Variants in HCN1 observed in about 807,000 individuals in gnomAD.
HCN1 encodes hyperpolarization activated cyclic nucleotide gated potassium channel 1.
HCN1 carries 13 observed loss-of-function variants against 78.9 expected under a neutral mutation model. That is an observed-to-expected ratio of 0.16 (90% CI 0.11 to 0.26). HCN1 has a LOEUF of 0.26. Ranked by LOEUF, HCN1 falls within the 10% of genes least tolerant of loss-of-function variation. HCN1 has a pLI of 1.00. For missense variants in HCN1, 810 were observed against 1,154.3 expected (o/e 0.70, Z 4.32); for synonymous variants, 552 against 455.5 (o/e 1.21, Z -2.70).
At chr5:45,589,948 T>G (rs1359485687) in intron 2 of HCN1, among the ~76,000 whole-genome samples, 6 of 152,194 alleles carry the variant, frequency 3.9e-5, no homozygotes, top group Non-Finnish European at 7.4e-5. Context: ...TCCTTGACAC[T>G]ACCTAGTCTA....
chr5:45,274,137 AT>A (rs1354382269), intron 6 of HCN1, among the ~76,000 whole-genome samples: 2 of 152,148 alleles, frequency 1.3e-5, no homozygotes, highest in African/African-American at 4.8e-5. Flanking sequence ...TCATGTATAG[AT>A]TACATATTAT....
intron 2 of HCN1, among the ~76,000 whole-genome samples, chr5:45,481,067 C>T (rs1412235671): frequency 1.3e-5 from 2 of 152,170 alleles, no homozygotes; most frequent in African/African-American, 4.8e-5. Flanking sequence ...TGCTATACTG[C>T]CTTACTAGGG....
At chr5:45,446,993 A>C (rs937947832) in intron 3 of HCN1, among the ~76,000 whole-genome samples, 3 of 152,216 alleles carry the variant, frequency 2.0e-5, no homozygotes, top group Non-Finnish European at 4.4e-5. Flanking sequence ...CGAGCAAAAT[A>C]ACCAGCTAAC....
intron 3 of HCN1, among the ~76,000 whole-genome samples, chr5:45,447,386 G>A (rs762109516): frequency 6.6e-6 from 1 of 152,104 alleles, no homozygotes; most frequent in Admixed American, 6.5e-5. Flanking sequence ...GAGACTACAG[G>A]CATGTGCCAC....
chr5:45,517,428 T>C (rs1023866839), intron 2 of HCN1, among the ~76,000 whole-genome samples: 19 of 148,310 alleles, frequency 1.3e-4, no homozygotes, highest in Admixed American at 7.6e-4. Flanking sequence ...ATTCATATTG[T>C]AGAAAACAAA....
chr5:45,352,992 A>G (rs890207246), intron 5 of HCN1, 108 bp downstream of exon 5: 6 of 888,484 alleles, frequency 6.8e-6, no homozygotes, highest in Non-Finnish European at 1.1e-5. Flanking sequence ...AAAATATCTT[A>G]ATAAGTTTAG....
At chr5:45,658,748 G>A (rs1372105059) in intron 1 of HCN1, among the ~76,000 whole-genome samples, 1 of 151,936 alleles carries the variant, frequency 6.6e-6, no homozygotes, top group African/African-American at 2.4e-5. Flanking sequence ...TTTCAGACCG[G>A]CTTAAAAAAC....
At chr5:45,554,947 C>T (rs1743442543) in intron 2 of HCN1, among the ~76,000 whole-genome samples, 1 of 151,766 alleles carries the variant, frequency 6.6e-6, no homozygotes, top group Admixed American at 6.6e-5. Flanking sequence ...AAGAGATTTC[C>T]TTTTAATGAA....
intron 2 of HCN1, among the ~76,000 whole-genome samples, chr5:45,465,392 C>G (rs1027465314): frequency 6.6e-6 from 1 of 152,050 alleles, no homozygotes; most frequent in African/African-American, 2.4e-5. Flanking sequence ...CTCTCTTCCC[C>G]GACTAGCAAT....
chr5:45,281,368 C>G (rs960666309), intron 6 of HCN1, among the ~76,000 whole-genome samples: 1 of 151,930 alleles, frequency 6.6e-6, no homozygotes, highest in Non-Finnish European at 1.5e-5. Context: ...TTCCTCTTCA[C>G]CTTTCACTAT....
chr5:45,682,710 A>C (rs1389105920), intron 1 of HCN1, among the ~76,000 whole-genome samples: 3 of 152,138 alleles, frequency 2.0e-5, no homozygotes, highest in Non-Finnish European at 4.4e-5. Flanking sequence ...CAATACTCGA[A>C]GTAAAGAAAC....
At chr5:45,637,416 T>TTCTA (rs1372910743) in intron 2 of HCN1, among the ~76,000 whole-genome samples, 4 of 151,966 alleles carry the variant, frequency 2.6e-5, no homozygotes, top group Non-Finnish European at 5.9e-5. Context: ...GCAAGTACTT[T>TTCTA]AGAGCCCAGT....
At chr5:45,331,774 C>A (rs974922410) in intron 5 of HCN1, among the ~76,000 whole-genome samples, 2 of 151,246 alleles carry the variant, frequency 1.3e-5, no homozygotes, top group Admixed American at 6.6e-5. Flanking sequence ...TACATAAAGT[C>A]GATTTTTAAA....
chr5:45,417,588 C>T (rs12659024), intron 3 of HCN1, among the ~76,000 whole-genome samples: 6,994 of 151,536 alleles, frequency 0.046, 268 homozygotes, highest in East Asian at 0.18. Flanking sequence ...TGATATCCAA[C>T]ATAAAGCTGA....
chr5:45,632,457 A>C (rs1207279113), intron 2 of HCN1, among the ~76,000 whole-genome samples: 1 of 152,050 alleles, frequency 6.6e-6, no homozygotes, highest in African/African-American at 2.4e-5. Flanking sequence ...ATAAAGGTAA[A>C]AGTGGTTTTA....
intron 2 of HCN1, among the ~76,000 whole-genome samples, chr5:45,627,626 T>C (rs1050456454): frequency 3.3e-5 from 5 of 152,194 alleles, no homozygotes; most frequent in Non-Finnish European, 5.9e-5. Flanking sequence ...ACCTATCATG[T>C]CTACTTTGCA....
intron 1 of HCN1, among the ~76,000 whole-genome samples, chr5:45,654,509 A>G (rs1265155612): frequency 1.3e-5 from 2 of 152,138 alleles, no homozygotes; most frequent in African/African-American, 2.4e-5. Context: ...GGAAAGCAAA[A>G]ATACTGTCAG....
intron 5 of HCN1, among the ~76,000 whole-genome samples, chr5:45,344,296 C>T (rs1035071436): frequency 6.6e-6 from 1 of 152,054 alleles, no homozygotes; most frequent in African/African-American, 2.4e-5. Context: ...ATGGGAGCTA[C>T]AATTCAAGAT....
In HCN1 at chr5:45,586,902, A is replaced by G. The variant is rs116426742; in HGVS notation, c.849+58283T>C. Among the ~76,000 whole-genome samples the G allele has an allele frequency of 8.7e-3, 1,327 of 152,316 alleles. 17 individuals carry two copies. Among genetic ancestry groups the G allele is most frequent in the Non-Finnish European group, 0.015 (998 of 68,020 alleles). On this transcript the variant is annotated intron_variant, in intron 2 of 7. Transcript: ENST00000303230. ...AAATACTCCTATGTTTTAAAAATCA[A>G]TTCCAGAGTCAAAAAATATGCACCT...
Sources: gnomAD v4.1 joint callset for allele counts (sites outside exome capture counted in the v4.1 genomes callset) on GRCh38, gnomAD v4.1.1 for gene constraint, MANE v1.5 for transcripts, NCBI Gene and HGNC (gene_info 2026-07-23, HGNC 2026-07-21) for gene names.